The following SEC63 variants were observed in gnomAD, a reference collection of about 807,000 sequenced individuals.
The protein encoded by SEC63 is SEC63 protein translocation regulator.
Under a neutral mutation model 116.2 loss-of-function variants are expected in SEC63, and 56 were observed. The observed-to-expected ratio is 0.48, with a 90% CI of 0.39 to 0.60. The LOEUF is 0.60. Ranked by LOEUF, SEC63 falls within the 20% of genes least tolerant of loss-of-function variation. SEC63 has a pLI of 0.00. For missense variants in SEC63, 668 were observed against 900.0 expected (o/e 0.74, Z 3.30); for synonymous variants, 273 against 294.6 (o/e 0.93, Z 0.75).
intron 5 of SEC63, 118 bp downstream of exon 5, chr6:107,913,248 T>C (rs1184348964): frequency 9.2e-6 from 7 of 761,930 alleles, no homozygotes; most frequent in East Asian, 5.2e-5. Flanking sequence ...AATTTATCTA[T>C]GTTAAACTCC....
At chr6:107,913,782 T>C (rs1033268224) in intron 4 of SEC63, among the ~76,000 whole-genome samples, 11 of 152,194 alleles carry the variant, frequency 7.2e-5, no homozygotes, top group African/African-American at 2.7e-4. Context: ...TTTCCCCTTA[T>C]ACTCTCATAT....
At position 107,921,889 on chromosome 6, in the gene SEC63, A is replaced by G; in HGVS notation, c.360T>C (p.Ile120=). 4 of 1,599,376 alleles carry G rather than the reference A, an allele frequency of 2.5e-6. No homozygotes were observed. Among genetic ancestry groups the G allele is most frequent in the Non-Finnish European group, 3.4e-6 (4 of 1,171,780 alleles). ...NLDPGATVAE[I]KKQYRLLSLK... is the part of the protein sequence containing the mutation. ...GTGACAGCAAACGATATTGTTTTTT[A>G]ATTTCTGCTACTGTGGCTCCCTGGG... Residue 120 remains isoleucine (I), a synonymous_variant, in exon 4 of 21, where the codon ATT becomes ATC. Transcript: ENST00000369002.
Position 107,958,191 on chromosome 6 carries a change from C to T in SEC63, c.-182G>A, listed in dbSNP as rs2114531236. 4 of 853,698 alleles carry T rather than the reference C, an allele frequency of 4.7e-6. No individual in the cohort carries two copies. The highest frequency in any genetic ancestry group is 5.4e-5 in the East Asian group (2 of 36,980). The allele number at this position is 853,698 out of a possible 1,614,324, so 52.9% of individuals were successfully genotyped here. ...CCACCTCTGCCGCTGCCGCCGCCGT[C>T]GCCAGCTCTCGCGAGAGGAGATAGT... On this transcript the variant is annotated 5_prime_UTR_variant, in exon 1 of 21. Transcript: ENST00000369002.
intron 4 of SEC63, among the ~76,000 whole-genome samples, chr6:107,920,325 C>A (rs1260627538): frequency 1.4e-5 from 2 of 147,300 alleles, no homozygotes; most frequent in East Asian, 4.0e-4. Flanking sequence ...ATTCGGGAGA[C>A]TGAGGCAGGA....
At chr6:107,881,815 T>C (rs1436768597) in intron 17 of SEC63, among the ~76,000 whole-genome samples, 1 of 152,224 alleles carries the variant, frequency 6.6e-6, no homozygotes, top group Non-Finnish European at 1.5e-5. Flanking sequence ...TACATTATCA[T>C]TCAAGACCTG....
chr6:107,872,497 G>A (rs1020744833), intron 20 of SEC63, among the ~76,000 whole-genome samples: 28 of 148,988 alleles, frequency 1.9e-4, no homozygotes, highest in Non-Finnish European at 7.5e-5. Flanking sequence ...AATAGAATCT[G>A]TGGTTTAAAA....
intron 18 of SEC63, among the ~76,000 whole-genome samples, chr6:107,878,477 T>C (rs1364956402): frequency 6.6e-6 from 1 of 152,196 alleles, no homozygotes; most frequent in African/African-American, 2.4e-5. Context: ...ATGTTAAAGA[T>C]TATGCACTTC....
chr6:107,886,020 C>A (rs577370346), intron 16 of SEC63, among the ~76,000 whole-genome samples: 1 of 152,148 alleles, frequency 6.6e-6, no homozygotes, highest in African/African-American at 2.4e-5. Flanking sequence ...CCCACCACCA[C>A]CCGACATGCC....
intron 16 of SEC63, among the ~76,000 whole-genome samples, chr6:107,887,738 T>G (rs564369274): frequency 1.3e-5 from 2 of 152,198 alleles, no homozygotes; most frequent in South Asian, 4.1e-4. Context: ...CCCTAAAACT[T>G]AAAGTATAAC....
intron 4 of SEC63, among the ~76,000 whole-genome samples, chr6:107,915,048 C>A (rs962573187): frequency 3.3e-5 from 5 of 152,120 alleles, no homozygotes; most frequent in Non-Finnish European, 7.4e-5. Context: ...GTTTAAGAAG[C>A]AAATGAATTT....
At chr6:107,911,541 C>T (rs748651913) in intron 6 of SEC63, 145 bp from the exon 7 acceptor site, 11 of 684,874 alleles carry the variant, frequency 1.6e-5, no homozygotes, top group Non-Finnish European at 2.6e-5. Context: ...TTCTCAAACT[C>T]CAAGAGGAAG....
chr6:107,897,493 C>G (rs1786884620), intron 14 of SEC63, among the ~76,000 whole-genome samples, 156 bp downstream of exon 14: 2 of 152,048 alleles, frequency 1.3e-5, no homozygotes, highest in South Asian at 4.1e-4. Flanking sequence ...TGAAAACTGT[C>G]TCATGAAAAT....
chr6:107,938,945 AT>A (rs1770314071), intron 1 of SEC63, among the ~76,000 whole-genome samples: 1 of 152,088 alleles, frequency 6.6e-6, no homozygotes, highest in Non-Finnish European at 1.5e-5. Context: ...GTTTTTCCCA[AT>A]TTTTTTGTTT....
In SEC63 at chr6:107,868,392, A is replaced by C. The variant is rs1227167893; in HGVS notation, c.*3312T>G. 6.6e-6 allele frequency: 1 copy of C among 152,204 alleles called. No individual in the cohort carries two copies. The highest frequency in any genetic ancestry group is 1.5e-5 in the Non-Finnish European group (1 of 68,080). The allele number at this position is 152,204 out of a possible 1,614,324, so 9.4% of individuals were successfully genotyped here. A position where few individuals can be genotyped will look rare whatever the true frequency, so the allele number is the denominator to read the frequency against. ...CCAGGAGTTCGAGACCAGGCTGGAC[A>C]ACGTGGCAAAATCCCATCTCTACTA... On this transcript the variant is annotated 3_prime_UTR_variant, in exon 21 of 21. Coordinates refer to ENST00000369002, the MANE Select transcript of SEC63 (RefSeq NM_007214.5).
intron 19 of SEC63, among the ~76,000 whole-genome samples, chr6:107,874,254 A>G (rs550705930): frequency 8.9e-4 from 136 of 152,220 alleles, no homozygotes; most frequent in African/African-American, 3.2e-3. Flanking sequence ...TCTACAAAAC[A>G]CCTTGCCTGG....
chr6:107,947,117 T>C (rs1334974287), intron 1 of SEC63, among the ~76,000 whole-genome samples: 1 of 152,142 alleles, frequency 6.6e-6, no homozygotes, highest in Non-Finnish European at 1.5e-5. Flanking sequence ...CTTGGTGACC[T>C]GGTGAAACCC....
intron 3 of SEC63, among the ~76,000 whole-genome samples, chr6:107,922,209 T>A (rs1052001204): frequency 6.6e-6 from 1 of 152,224 alleles, no homozygotes; most frequent in Non-Finnish European, 1.5e-5. Flanking sequence ...AAAATAATAC[T>A]GACATTTAAA....
At chr6:107,905,189 G>A (rs564616392) in intron 10 of SEC63, among the ~76,000 whole-genome samples, 5 of 152,298 alleles carry the variant, frequency 3.3e-5, no homozygotes, top group Admixed American at 1.3e-4. Context: ...TTAACCTATG[G>A]ATTTGGTACT....
intron 16 of SEC63, among the ~76,000 whole-genome samples, chr6:107,886,722 A>T (rs998075177): frequency 1.3e-5 from 2 of 151,798 alleles, no homozygotes; most frequent in African/African-American, 2.4e-5. Context: ...TTTTCCTGTA[A>T]ATCTGTTTAT....
Sources: allele counts gnomAD v4.1 joint callset (sites outside exome capture counted in the v4.1 genomes callset), GRCh38; gene constraint gnomAD v4.1.1; transcripts MANE v1.5; gene names NCBI Gene and HGNC (gene_info 2026-07-23, HGNC 2026-07-21).